SPOPL: variants seen among roughly 807,000 people sequenced by gnomAD.
The protein encoded by SPOPL is speckle type BTB/POZ protein like, also known as speckle-type POZ protein-like.
Under a neutral mutation model 53.8 loss-of-function variants are expected in SPOPL, and 23 were observed. That is an observed-to-expected ratio of 0.43 (90% CI 0.31 to 0.61). The LOEUF (loss-of-function observed/expected upper bound fraction) is 0.61, where lower values mean the gene tolerates loss of function less well. SPOPL is among the 20% of genes least tolerant of loss of function. SPOPL has a pLI of 0.12. For missense variants in SPOPL, 442 were observed against 466.9 expected (o/e 0.95, Z 0.49); for synonymous variants, 164 against 149.7 (o/e 1.10, Z -0.70).
intron 1 of SPOPL, among the ~76,000 whole-genome samples, chr2:138,505,594 T>TAA (rs1169614974): frequency 0.066 from 4,927 of 75,006 alleles, 341 homozygotes; most frequent in Non-Finnish European, 0.079. Flanking sequence ...GTGTCTCTTC[T>TAA]AAAAAAAAAA....
At chr2:138,554,763 A>G (rs978849961) in intron 5 of SPOPL, among the ~76,000 whole-genome samples, 4 of 152,216 alleles carry the variant, frequency 2.6e-5, no homozygotes, top group Non-Finnish European at 5.9e-5. Context: ...TACTCAGTCT[A>G]CAGACCCATA....
intron 1 of SPOPL, among the ~76,000 whole-genome samples, chr2:138,528,159 T>C (rs1558866923): frequency 6.6e-6 from 1 of 152,202 alleles, no homozygotes; most frequent in Non-Finnish European, 1.5e-5. Context: ...AGGGCAATTG[T>C]TGGGCTTTGG....
At chr2:138,559,423 T>G (rs1685498433) in intron 7 of SPOPL, 86 bp downstream of exon 7, 1 of 1,344,768 alleles carries the variant, frequency 7.4e-7, no homozygotes, top group Admixed American at 2.6e-5. Context: ...TACAATGTTC[T>G]CATTGTCATA....
chr2:138,534,644 TA>T (rs1438123757), intron 1 of SPOPL, among the ~76,000 whole-genome samples: 2 of 152,218 alleles, frequency 1.3e-5, no homozygotes, highest in Non-Finnish European at 2.9e-5. Flanking sequence ...TTTACTTTTT[TA>T]AAAAGTACAG....
At chr2:138,536,355 C>G (rs1382702471) in intron 1 of SPOPL, among the ~76,000 whole-genome samples, 2 of 151,910 alleles carry the variant, frequency 1.3e-5, no homozygotes, top group African/African-American at 2.4e-5. Context: ...CCCACACACA[C>G]ACACACGCAC....
intron 1 of SPOPL, among the ~76,000 whole-genome samples, chr2:138,536,127 G>A (rs1372652693): frequency 2.6e-5 from 4 of 152,082 alleles, no homozygotes; most frequent in Non-Finnish European, 4.4e-5. Context: ...AATCCAACAT[G>A]TAAGTTTAAT....
chr2:138,542,125 T>C (rs1370370717), intron 1 of SPOPL, among the ~76,000 whole-genome samples: 1 of 152,242 alleles, frequency 6.6e-6, no homozygotes, highest in African/African-American at 2.4e-5. Context: ...TCTGTTCTTT[T>C]ACATATGCTG....
At chr2:138,561,516 C>T (rs939904682) in intron 8 of SPOPL, among the ~76,000 whole-genome samples, 8 of 152,018 alleles carry the variant, frequency 5.3e-5, no homozygotes, top group African/African-American at 1.9e-4. Context: ...TATATATGTA[C>T]GTATGCATGT....
chr2:138,535,931 A>G (rs572037936), intron 1 of SPOPL, among the ~76,000 whole-genome samples: 163 of 152,026 alleles, frequency 1.1e-3, no homozygotes, highest in African/African-American at 3.7e-3. Context: ...GTGAATTTTC[A>G]TTTCAGTTAT....
At chr2:138,548,731 G>T (rs899071591) in intron 1 of SPOPL, among the ~76,000 whole-genome samples, 1 of 151,844 alleles carries the variant, frequency 6.6e-6, no homozygotes, top group South Asian at 2.1e-4. Flanking sequence ...TTTGTTTACT[G>T]TTTTTGAAAT....
At chr2:138,565,233 GTA>G (rs1415878907) in intron 10 of SPOPL, among the ~76,000 whole-genome samples, 1 of 152,172 alleles carries the variant, frequency 6.6e-6, no homozygotes, top group African/African-American at 2.4e-5. Context: ...ATGCCATGTA[GTA>G]TATAGCAGAG....
intron 5 of SPOPL, chr2:138,554,548 G>A: frequency 7.9e-7 from 1 of 1,267,184 alleles, no homozygotes; most frequent in South Asian, 1.3e-5. Flanking sequence ...AAGGCAGTTG[G>A]GTGCTACCCT....
intron 1 of SPOPL, among the ~76,000 whole-genome samples, chr2:138,529,537 T>TGTGCAC (rs1553469140): frequency 4.7e-4 from 47 of 100,080 alleles, no homozygotes; most frequent in African/African-American, 1.6e-3. Context: ...TGTGTGTGTT[T>TGTGCAC]GCGTGCGCGC....
chr2:138,559,438 G>A (rs1685498615), intron 7 of SPOPL, 101 bp downstream of exon 7: 1 of 1,248,462 alleles, frequency 8.0e-7, no homozygotes, highest in Admixed American at 2.9e-5. Context: ...GTCATACTGT[G>A]ATAAGCAGGG....
rs565942579 is a variant in SPOPL at position 138,555,278 on chromosome 2, A to G, written c.480+2597A>G. ...TACCTCTGAAAGGTCTCACCTGTCA[A>G]CATTGTTGCATTGGGTATTAAATTT... On this transcript the variant is annotated intron_variant, in intron 5 of 10. Coordinates refer to ENST00000280098, the MANE Select transcript of SPOPL (RefSeq NM_001001664.3). Among the ~76,000 whole-genome samples, 27 of 152,256 alleles carry G rather than the reference A, an allele frequency of 1.8e-4. No individual in the cohort carries two copies. The East Asian group carries it at 4.4e-3, about 25-fold the overall frequency.
At chr2:138,539,415 T>A (rs986785290) in intron 1 of SPOPL, among the ~76,000 whole-genome samples, 4 of 151,864 alleles carry the variant, frequency 2.6e-5, no homozygotes, top group Non-Finnish European at 5.9e-5. Context: ...GCACCTGTTG[T>A]TTCCTGACTT....
intron 1 of SPOPL, among the ~76,000 whole-genome samples, chr2:138,523,166 T>A (rs1383846801): frequency 6.6e-6 from 1 of 152,218 alleles, no homozygotes; most frequent in Admixed American, 6.5e-5. Flanking sequence ...CAGTTCCACG[T>A]GGCTGGGGAA....
rs1453754679 is a variant in SPOPL at position 138,571,637 on chromosome 2, TCTC to T, written c.*2561_*2563del. On this transcript the variant is annotated 3_prime_UTR_variant, in exon 11 of 11. Transcript: ENST00000280098. The stretch of plus-strand genomic sequence containing the variant: ...GACATGAGTGCTCTAATAGCCTCCT[TCTC>T]CTCATTTTTAAACTGCATACATTAC... 1.3e-5 allele frequency: 2 copies of T among 152,548 alleles called. No homozygotes were observed. Among genetic ancestry groups the T allele is most frequent in the African/African-American group, 4.8e-5 (2 of 41,452 alleles). The allele number at this position is 152,548 out of a possible 1,614,324, so 9.4% of individuals were successfully genotyped here. A position where few individuals can be genotyped will look rare whatever the true frequency, so the allele number is the denominator to read the frequency against.
chr2:138,543,803 G>T (rs1685128982), intron 1 of SPOPL, among the ~76,000 whole-genome samples: 1 of 152,186 alleles, frequency 6.6e-6, no homozygotes, highest in Non-Finnish European at 1.5e-5. Context: ...TGGAGGAGGA[G>T]AGGCGCTCTG....
Sources: gnomAD v4.1 joint callset for allele counts (sites outside exome capture counted in the v4.1 genomes callset) on GRCh38, gnomAD v4.1.1 for gene constraint, MANE v1.5 for transcripts, NCBI Gene and HGNC (gene_info 2026-07-23, HGNC 2026-07-21) for gene names.